EP400: variants seen among roughly 807,000 people sequenced by gnomAD.
EP400 encodes the protein E1A-binding protein p400.
A neutral mutation model predicts 354.1 loss-of-function variants in EP400; 105 were observed. The ratio of observed to expected loss-of-function variants is 0.30; its 90% confidence interval spans 0.25 to 0.35. The LOEUF (loss-of-function observed/expected upper bound fraction) is 0.35. Among genes scored for constraint, EP400 ranks in the 10% least tolerant of loss-of-function variants. The pLI, the probability that EP400 is intolerant of heterozygous loss-of-function variation, is 1.00. For synonymous variants in EP400, 1,646 were observed against 1,716.9 expected, an observed-to-expected ratio of 0.96 and a Z score of 1.02; for missense variants, 3,280 against 4,121.0, an observed-to-expected ratio of 0.80 and a Z score of 5.59.
chr12:132,057,729 G>A (rs1274662755), intron 45 of EP400, among the ~76,000 whole-genome samples: 1 of 152,174 alleles, frequency 6.6e-6, no homozygotes, highest in Admixed American at 6.5e-5. Context: ...CTCTGTCACT[G>A]CAGTAGATAG....
At position 132,054,265 on chromosome 12, in the gene EP400, G is replaced by C. The variant is rs1431075488; in HGVS notation, c.7728+668G>C. On this transcript the variant is annotated intron_variant, in intron 43 of 52. Transcript: ENST00000389561. The surrounding 1 kb of genome is among the most constrained non-coding windows in gnomAD (Gnocchi z 4.0). ...ACCAGGCAGGCATAAAAATATTTTT[G>C]TTACATAGAACCATTTCCTGCAGTA... 6.6e-6 allele frequency among the ~76,000 whole-genome samples: 1 copy of C among 152,214 alleles called. No homozygotes were observed. Among genetic ancestry groups the C allele is most frequent in the African/African-American group, 2.4e-5 (1 of 41,460 alleles).
intron 2 of EP400, among the ~76,000 whole-genome samples, chr12:131,978,219 A>T (rs1892548617): frequency 6.6e-6 from 1 of 152,220 alleles, no homozygotes; most frequent in Non-Finnish European, 1.5e-5. Flanking sequence ...GGAAGGAACA[A>T]GAGATTTTTA....
rs548995789 is a variant in EP400, at chr12:131,985,570, T to C, written c.1930-944T>C. Among the ~76,000 whole-genome samples the C allele has an allele frequency of 2.0e-5, 3 of 152,360 alleles. No individual in the cohort carries two copies. In the South Asian group the frequency reaches 6.2e-4, roughly 32 times the overall value. Reference sequence around the variant, plus strand: ...AAGTCACAGAGTCGCAGCAGTTCTCTGTGACTTTAAGTCTGTCGTTGAGGT... The same window carrying C: ...AAGTCACAGAGTCGCAGCAGTTCTCCGTGACTTTAAGTCTGTCGTTGAGGT... On this transcript the variant is annotated intron_variant, in intron 5 of 52. Coordinates refer to ENST00000389561, the MANE Select transcript of EP400 (RefSeq NM_015409.5).
chr12:131,966,304 G>A (rs1296674516), intron 2 of EP400, among the ~76,000 whole-genome samples: 2 of 152,034 alleles, frequency 1.3e-5, no homozygotes, highest in African/African-American at 4.8e-5. Context: ...TAGGCATGAT[G>A]GCTCATGCCT....
chr12:131,962,762 C>A (rs1479865903), intron 2 of EP400, among the ~76,000 whole-genome samples: 1 of 152,190 alleles, frequency 6.6e-6, no homozygotes, highest in Non-Finnish European at 1.5e-5. Context: ...TGGACTGTGA[C>A]ACACTGTATT....
chr12:131,950,991 C>G (rs1240537368), intron 1 of EP400, among the ~76,000 whole-genome samples: 1 of 152,098 alleles, frequency 6.6e-6, no homozygotes, highest in Admixed American at 6.5e-5. Flanking sequence ...CCTCCGCCTC[C>G]CAGGTTCAAG....
At chr12:132,015,167 A>T (rs1163563134) in intron 19 of EP400, among the ~76,000 whole-genome samples, 1 of 152,200 alleles carries the variant, frequency 6.6e-6, no homozygotes, top group Admixed American at 6.5e-5. Flanking sequence ...AGGGAAGGTA[A>T]GTGTGCATGA....
chr12:132,071,781 G>A (rs1896075984), intron 51 of EP400, among the ~76,000 whole-genome samples: 1 of 152,176 alleles, frequency 6.6e-6, no homozygotes, highest in Non-Finnish European at 1.5e-5. Flanking sequence ...GCCCCTACCA[G>A]CGCTGCTCAC....
In EP400 at chr12:132,052,017, C is replaced by T. The variant is rs1319414052; in HGVS notation, c.7395-1129C>T. Reference sequence around the variant, plus strand: ...TCTTCTGGTCACTTCTCACTGTGTCCTCTCAGCTCCTATCTCTGTATGGCC... The same window carrying T: ...TCTTCTGGTCACTTCTCACTGTGTCTTCTCAGCTCCTATCTCTGTATGGCC... On this transcript the variant is annotated intron_variant, in intron 41 of 52. Transcript: ENST00000389561. This position sits in a 1 kb window ranked among gnomAD's most constrained non-coding sequence, Gnocchi z 4.4. 6.6e-6 allele frequency among the ~76,000 whole-genome samples: 1 copy of T among 152,196 alleles called. No individual in the cohort carries two copies. Among genetic ancestry groups the T allele is most frequent in the Non-Finnish European group, 1.5e-5 (1 of 68,028 alleles).
chr12:132,025,091 AT>A lies in EP400; in HGVS notation c.4856-549del, dbSNP rs1465119555. 5.3e-5 allele frequency among the ~76,000 whole-genome samples: 8 copies of A among 151,366 alleles called. No homozygotes were observed. Among genetic ancestry groups the A allele is most frequent in the Non-Finnish European group, 1.2e-4 (8 of 67,880 alleles). On this transcript the variant is annotated intron_variant, in intron 24 of 52. Coordinates refer to ENST00000389561, the MANE Select transcript of EP400 (RefSeq NM_015409.5). This position sits in a 1 kb window ranked among gnomAD's most constrained non-coding sequence, Gnocchi z 4.1. Reference sequence around the variant, plus strand: ...AAAACAAAACAAAACAAAACAAAACATTTTTTGGCCCACAGAGGCTGGGTCG... The same window carrying A: ...AAAACAAAACAAAACAAAACAAAACATTTTTGGCCCACAGAGGCTGGGTCG...
At chr12:131,993,588 T>C (rs1393019890) in intron 11 of EP400, among the ~76,000 whole-genome samples, 1 of 152,256 alleles carries the variant, frequency 6.6e-6, no homozygotes. Context: ...CATGTGTTTC[T>C]TAACAACGGG....
chr12:131,962,266 G>A (rs574072925), intron 2 of EP400, among the ~76,000 whole-genome samples: 7 of 152,196 alleles, frequency 4.6e-5, no homozygotes, highest in Non-Finnish European at 8.8e-5. Context: ...CTCAGCAAGC[G>A]TGTCCAGTTT....
At position 131,950,002 on chromosome 12, in the gene EP400, C is replaced by G. The variant is rs1891402402; in HGVS notation, c.-70C>G. ...GGCGCGGCTTCCATCCTCCCGCCCT[C>G]CTGACGCGGCCGGAGCGCAGCCCTG... On this transcript the variant is annotated 5_prime_UTR_variant, in exon 1 of 53. Transcript: ENST00000389561. 6.6e-6 allele frequency: 1 copy of G among 151,882 alleles called. No homozygotes were observed. The highest frequency in any genetic ancestry group is 2.4e-5 in the African/African-American group (1 of 41,416). 9.4% of individuals were successfully genotyped at this position (151,882 alleles called of 1,614,324 possible). A position where few individuals can be genotyped will look rare whatever the true frequency, so the allele number is the denominator to read the frequency against.
intron 2 of EP400, among the ~76,000 whole-genome samples, chr12:131,974,250 A>T (rs1892392758): frequency 6.6e-6 from 1 of 152,096 alleles, no homozygotes; most frequent in Non-Finnish European, 1.5e-5. Flanking sequence ...AAGTGCTGGG[A>T]TTACAGGCGT....
chr12:132,017,836 C>CAGA lies in EP400; in HGVS notation c.4110+117_4110+118insAAG. The CAGA allele has an allele frequency of 3.4e-6, 4 of 1,164,648 alleles. No homozygotes were observed. Among genetic ancestry groups the CAGA allele is most frequent in the Non-Finnish European group, 4.7e-6 (4 of 848,026 alleles). The allele number at this position is 1,164,648 out of a possible 1,614,324, so 72.1% of individuals were successfully genotyped here. ...ACCAGCTCTTCTGCAATTGCAATTG[C>CAGA]AGCTCCGCGATACATGGCACCGTCT... is the stretch of plus-strand genomic sequence containing the variant. On this transcript the variant is annotated intron_variant, in intron 20 of 52. Transcript: ENST00000389561. The surrounding 1 kb of genome is among the most constrained non-coding windows in gnomAD (Gnocchi z 5.0).
chr12:131,960,469 C>G (rs879489042), intron 1 of EP400, 116 bp from the exon 2 acceptor site: 7 of 1,015,642 alleles, frequency 6.9e-6, no homozygotes, highest in Non-Finnish European at 1.0e-5. Flanking sequence ...TCAGCTCTGT[C>G]GTTTGAATCA....
chr12:132,067,454 G>T lies in EP400; in HGVS notation c.8842G>T (p.Ala2948Ser). 1.2e-6 allele frequency: 2 copies of T among 1,613,304 alleles called. No individual in the cohort carries two copies. Among genetic ancestry groups the T allele is most frequent in the Non-Finnish European group, 1.7e-6 (2 of 1,180,022 alleles). ...VQQQKAIQPQ[A>S]AQGPAAVQQK... ...GCAGCAGAAGGCCATCCAGCCCCAG[G>T]CTGCACAGGGCCCGGCAGCCGTCCA... The change falls in exon 50 of 53, where the codon GCT (alanine) becomes TCT (serine). Residue 2948 changes from alanine to serine, a missense_variant. Physicochemically the swap from Ala to Ser is moderately conservative, Grantham distance 99. Around this residue, in one of 20 missense-constraint regions of EP400, gnomAD observed 279 missense variants for 386.7 expected, o/e 0.72. Coordinates refer to ENST00000389561, the MANE Select transcript of EP400 (RefSeq NM_015409.5). The surrounding 1 kb of genome is among the most constrained non-coding windows in gnomAD (Gnocchi z 5.3).
In EP400 at chr12:131,979,746, C is replaced by T. The variant is rs779183271; in HGVS notation, c.1388C>T (p.Thr463Met). 27 of 1,610,294 alleles carry T rather than the reference C, an allele frequency of 1.7e-5. No individual in the cohort carries two copies. The highest frequency in any genetic ancestry group is 6.7e-5 in the African/African-American group (5 of 74,610). ...LVAGAGSTVE[T>M]DLFKRQQAMP... Reference sequence around the variant, plus strand: ...GCAGGGGCCGGAAGCACAGTAGAGACGGACCTGTTTAAGAGGCAGCAGGCG... The same window carrying T: ...GCAGGGGCCGGAAGCACAGTAGAGATGGACCTGTTTAAGAGGCAGCAGGCG... The change falls in exon 3 of 53, where the codon ACG becomes ATG. Residue 463 changes from threonine to methionine, a missense_variant. Thr to Met is a moderately conservative substitution (Grantham distance 81, BLOSUM62 -1). Coordinates refer to ENST00000389561, the MANE Select transcript of EP400 (RefSeq NM_015409.5).
intron 39 of EP400, among the ~76,000 whole-genome samples, chr12:132,049,524 C>T (rs1371900969): frequency 6.6e-6 from 1 of 152,214 alleles, no homozygotes; most frequent in African/African-American, 2.4e-5. Context: ...TGTACCTGCA[C>T]AGACACACCC....
Sources: allele counts gnomAD v4.1 joint callset (sites outside exome capture counted in the v4.1 genomes callset), GRCh38; gene constraint gnomAD v4.1.1; regional missense constraint gnomAD v4.1.1; non-coding constraint Gnocchi (gnomAD v3.1); transcripts MANE v1.5; gene names NCBI Gene and HGNC (gene_info 2026-07-23, HGNC 2026-07-21).